Variants in CHRM3 observed in about 807,000 individuals in gnomAD.
CHRM3 encodes cholinergic receptor muscarinic 3.
In CHRM3, 11 loss-of-function variants were observed where a neutral mutation model predicts 41.8. The ratio of observed to expected loss-of-function variants is 0.26; its 90% CI spans 0.17 to 0.44. The LOEUF (loss-of-function observed/expected upper bound fraction) is 0.44, where lower values mean the gene tolerates loss of function less well. Ranked by LOEUF, CHRM3 falls within the 20% of genes least tolerant of loss-of-function variation. The pLI is 1.00. For missense variants in CHRM3, 571 were observed against 745.4 expected (o/e 0.77, Z 2.72); for synonymous variants, 297 against 301.4 (o/e 0.99, Z 0.15).
At chr1:239,446,092 A>C (rs1185909559) in intron 1 of CHRM3, among the ~76,000 whole-genome samples, 1 of 152,072 alleles carries the variant, frequency 6.6e-6, no homozygotes, top group East Asian at 1.9e-4. Flanking sequence ...GTGCACCACC[A>C]CACCCGGCTA....
intron 3 of CHRM3, chr1:239,629,400 C>G (rs983093299): frequency 7.2e-6 from 1 of 138,428 alleles, no homozygotes. Context: ...CGCCCACTGT[C>G]TAGCACTCCC....
intron 5 of CHRM3, among the ~76,000 whole-genome samples, chr1:239,701,085 A>G (rs1263073003): frequency 6.6e-6 from 1 of 152,204 alleles, no homozygotes. Flanking sequence ...AATAATAACT[A>G]AAGTTCCTAA....
chr1:239,878,930 G>A (rs1229015833), intron 6 of CHRM3, among the ~76,000 whole-genome samples: 1 of 152,148 alleles, frequency 6.6e-6, no homozygotes, highest in Non-Finnish European at 1.5e-5. Flanking sequence ...TGGCCATGGA[G>A]GGTAAGACAG....
chr1:239,514,057 A>T (rs1309165288), intron 2 of CHRM3, among the ~76,000 whole-genome samples: 2 of 152,118 alleles, frequency 1.3e-5, no homozygotes, highest in African/African-American at 2.4e-5. Context: ...TAAGCTTTGA[A>T]GTTGGGTAAT....
intron 6 of CHRM3, among the ~76,000 whole-genome samples, chr1:239,888,107 T>C (rs1301819733): frequency 6.6e-6 from 1 of 152,106 alleles, no homozygotes; most frequent in African/African-American, 2.4e-5. Flanking sequence ...TCAGTAAGAA[T>C]GGCAATGAAT....
At chr1:239,452,010 T>C (rs540227390) in intron 1 of CHRM3, among the ~76,000 whole-genome samples, 1 of 152,326 alleles carries the variant, frequency 6.6e-6, no homozygotes, top group East Asian at 1.9e-4. Context: ...TGCTTAAATA[T>C]ACTATCCATA....
chr1:239,743,788 C>CTTT (rs10718514), intron 5 of CHRM3, among the ~76,000 whole-genome samples: 207 of 81,182 alleles, frequency 2.5e-3, no homozygotes, highest in Middle Eastern at 8.3e-3. Context: ...TTTTTTTTTT[C>CTTT]TTTTTTTTTT....
intron 3 of CHRM3, among the ~76,000 whole-genome samples, chr1:239,627,058 G>A (rs1453976279): frequency 7.4e-6 from 1 of 135,970 alleles, no homozygotes. Flanking sequence ...GCGTATCCTT[G>A]TTGACTTTCT....
chr1:239,804,052 G>A (rs1368796056), intron 5 of CHRM3, among the ~76,000 whole-genome samples: 3 of 152,220 alleles, frequency 2.0e-5, no homozygotes, highest in Admixed American at 1.3e-4. Context: ...AGCAGCAGAA[G>A]GCATTGTGGC....
chr1:239,606,214 TG>T (rs1666225104), intron 3 of CHRM3: 2 of 152,016 alleles, frequency 1.3e-5, no homozygotes, highest in South Asian at 2.1e-4. Context: ...CTAATATTAA[TG>T]GAATTATTAT....
chr1:239,468,918 G>A (rs1216529043), intron 1 of CHRM3, among the ~76,000 whole-genome samples: 1 of 151,990 alleles, frequency 6.6e-6, no homozygotes, highest in Non-Finnish European at 1.5e-5. Flanking sequence ...TCCATTAGCA[G>A]ATCATTATTA....
At chr1:239,610,967 G>A (rs999625563) in intron 3 of CHRM3, among the ~76,000 whole-genome samples, 6 of 152,044 alleles carry the variant, frequency 3.9e-5, no homozygotes, top group African/African-American at 1.4e-4. Flanking sequence ...CAGGAGAATC[G>A]CTTGAACCGG....
At chr1:239,557,105 G>A (rs188463928) in intron 3 of CHRM3, among the ~76,000 whole-genome samples, 3 of 152,256 alleles carry the variant, frequency 2.0e-5, no homozygotes, top group African/African-American at 7.2e-5. Context: ...AGGCCAGAGA[G>A]CTATCTTCTT....
chr1:239,576,113 C>T (rs1662309720), intron 3 of CHRM3, among the ~76,000 whole-genome samples: 1 of 152,076 alleles, frequency 6.6e-6, no homozygotes, highest in African/African-American at 2.4e-5. Context: ...ATAATGTCCT[C>T]AAGCTTCATC....
intron 3 of CHRM3, among the ~76,000 whole-genome samples, chr1:239,601,024 T>C (rs60623103): frequency 0.15 from 23,389 of 152,172 alleles, 1,906 homozygotes; most frequent in African/African-American, 0.2. Context: ...TAAAGCTTAA[T>C]GATAGAAGTC....
At chr1:239,542,817 G>A (rs557341297) in intron 2 of CHRM3, among the ~76,000 whole-genome samples, 6 of 152,152 alleles carry the variant, frequency 3.9e-5, no homozygotes, top group African/African-American at 1.4e-4. Flanking sequence ...GTTCTCTGTT[G>A]TCTCAAAAAT....
chr1:239,870,154 C>T (rs1676452062), intron 6 of CHRM3, among the ~76,000 whole-genome samples: 1 of 152,124 alleles, frequency 6.6e-6, no homozygotes, highest in African/African-American at 2.4e-5. Context: ...TCTCTGCACA[C>T]AAGGAGTTTA....
intron 5 of CHRM3, among the ~76,000 whole-genome samples, chr1:239,789,199 T>C (rs141719771): frequency 7.7e-4 from 117 of 152,320 alleles, no homozygotes; most frequent in Non-Finnish European, 1.2e-3. Context: ...TTTGAAGTGA[T>C]GCATATTACG....
chr1:239,469,683 A>G (rs1177002212), intron 1 of CHRM3, among the ~76,000 whole-genome samples: 1 of 151,928 alleles, frequency 6.6e-6, no homozygotes, highest in African/African-American at 2.4e-5. Flanking sequence ...CAGCCTCCGG[A>G]GTAGCTGGGA....
Sources: gnomAD v4.1 joint callset for allele counts (sites outside exome capture counted in the v4.1 genomes callset) on GRCh38, gnomAD v4.1.1 for gene constraint, MANE v1.5 for transcripts, NCBI Gene and HGNC (gene_info 2026-07-23, HGNC 2026-07-21) for gene names.